Variants in SLC8A1 observed in about 807,000 individuals in gnomAD.
SLC8A1 encodes solute carrier family 8 member A1.
In SLC8A1, 18 loss-of-function variants were observed where a neutral mutation model predicts 68.3. That is an observed-to-expected ratio of 0.26 (90% confidence interval 0.18 to 0.39). The LOEUF (loss-of-function observed/expected upper bound fraction) is 0.39. Among genes scored for constraint, SLC8A1 ranks in the 10% least tolerant of loss-of-function variants. The pLI, the probability that SLC8A1 is intolerant of heterozygous loss-of-function variation, is 1.00. For missense variants in SLC8A1, 985 were observed against 1,156.7 expected (o/e 0.85, Z 2.15); for synonymous variants, 475 against 415.5 (o/e 1.14, Z -1.74).
intron 2 of SLC8A1, among the ~76,000 whole-genome samples, chr2:40,308,798 C>T (rs769486818): frequency 5.3e-5 from 8 of 152,158 alleles, no homozygotes; most frequent in African/African-American, 1.9e-4. Context: ...GAGAACGCTG[C>T]AAAGGGCAAA....
At chr2:40,320,559 A>G (rs1464066175) in intron 2 of SLC8A1, among the ~76,000 whole-genome samples, 3 of 152,340 alleles carry the variant, frequency 2.0e-5, no homozygotes, top group Admixed American at 2.0e-4. Flanking sequence ...CGTTTATTAA[A>G]TAACAAGGAA....
chr2:40,385,418 T>C lies in SLC8A1; in HGVS notation c.1808+43055A>G, dbSNP rs1034460042. ...TCCTACCTTTCTCTTTTAATCTCTC[T>C]CAAATCACCATTTTTCAAAGTATCT... is the stretch of plus-strand genomic sequence containing the variant. On this transcript the variant is annotated intron_variant, in intron 2 of 7. Transcript: ENST00000406785. Among the ~76,000 whole-genome samples the C allele has an allele frequency of 2.7e-5, 4 of 145,966 alleles. No homozygotes were observed. In the South Asian group the frequency reaches 8.5e-4, roughly 31 times the overall value.
chr2:40,419,085 T>C (rs1251918963), intron 2 of SLC8A1, among the ~76,000 whole-genome samples: 1 of 152,212 alleles, frequency 6.6e-6, no homozygotes, highest in Admixed American at 6.5e-5. Flanking sequence ...CTAGTAAAGC[T>C]TGAGGTTTTC....
At chr2:40,118,120 C>G (rs936050258) in intron 7 of SLC8A1, among the ~76,000 whole-genome samples, 1 of 152,328 alleles carries the variant, frequency 6.6e-6, no homozygotes, top group Middle Eastern at 3.4e-3. Context: ...TCACCCCTCT[C>G]ACAAGCATTA....
chr2:40,251,749 C>CCATTTAATAAGTAAATACATG (rs1437366926), intron 2 of SLC8A1: 1 of 152,118 alleles, frequency 6.6e-6, no homozygotes, highest in Non-Finnish European at 1.5e-5. Flanking sequence ...ATGGAGGCCA[C>CCATTTAATAAGTAAATACATG]CATTTAATAA....
At chr2:40,209,411 A>G (rs543384091) in intron 2 of SLC8A1, among the ~76,000 whole-genome samples, 2 of 152,142 alleles carry the variant, frequency 1.3e-5, no homozygotes, top group Admixed American at 1.3e-4. Context: ...TCCTGGAGGA[A>G]AGGTGAGAGT....
At chr2:40,212,505 T>C (rs1178730928) in intron 2 of SLC8A1, among the ~76,000 whole-genome samples, 3 of 152,044 alleles carry the variant, frequency 2.0e-5, no homozygotes. Flanking sequence ...GGATGGTCTG[T>C]ATCTCCTGAC....
At chr2:40,308,991 A>G (rs547063208) in intron 2 of SLC8A1, among the ~76,000 whole-genome samples, 1 of 152,266 alleles carries the variant, frequency 6.6e-6, no homozygotes, top group Admixed American at 6.5e-5. Context: ...TTAACTGGAG[A>G]TGTTGAAATT....
intron 2 of SLC8A1, among the ~76,000 whole-genome samples, chr2:40,282,250 T>A (rs1027658725): frequency 6.6e-6 from 1 of 152,206 alleles, no homozygotes; most frequent in Non-Finnish European, 1.5e-5. Flanking sequence ...AAGACTGGAT[T>A]AGTAATAAGG....
chr2:40,231,681 C>T (rs533563257), intron 2 of SLC8A1, among the ~76,000 whole-genome samples: 5 of 152,240 alleles, frequency 3.3e-5, no homozygotes, highest in African/African-American at 1.2e-4. Context: ...TCTCTCATCT[C>T]TTTCACATAA....
chr2:40,400,968 A>G (rs997201263), intron 2 of SLC8A1, among the ~76,000 whole-genome samples: 6 of 152,204 alleles, frequency 3.9e-5, no homozygotes, highest in African/African-American at 1.4e-4. Context: ...AGGAAGCCAC[A>G]CAGAATTTTG....
At chr2:40,410,923 A>C (rs1691934391) in intron 2 of SLC8A1, among the ~76,000 whole-genome samples, 1 of 152,100 alleles carries the variant, frequency 6.6e-6, no homozygotes, top group Non-Finnish European at 1.5e-5. Context: ...TAATACCAGC[A>C]AATGGGATTC....
chr2:40,326,020 A>G (rs2075786975), intron 2 of SLC8A1, among the ~76,000 whole-genome samples: 1 of 152,034 alleles, frequency 6.6e-6, no homozygotes, highest in Non-Finnish European at 1.5e-5. Context: ...TCAGCAACTC[A>G]CCTGTCCTGA....
intron 6 of SLC8A1, among the ~76,000 whole-genome samples, chr2:40,149,383 G>A (rs887058376): frequency 6.6e-6 from 1 of 152,184 alleles, no homozygotes; most frequent in Non-Finnish European, 1.5e-5. Context: ...AATATAATAT[G>A]TAATAATTTC....
chr2:40,484,575 G>A (rs1226595160), intron 1 of SLC8A1, among the ~76,000 whole-genome samples: 2 of 152,202 alleles, frequency 1.3e-5, no homozygotes, highest in African/African-American at 4.8e-5. Context: ...AACGCGAGGG[G>A]CTTTGAAATT....
chr2:40,389,929 G>GACAC (rs34564306), intron 2 of SLC8A1, among the ~76,000 whole-genome samples: 4 of 149,184 alleles, frequency 2.7e-5, no homozygotes, highest in African/African-American at 4.9e-5. Context: ...CCAATTTATA[G>GACAC]ACACACACAC....
At chr2:40,112,464 C>G (rs1159347779) in exon 8 of SLC8A1, 1 of 152,082 alleles carries the variant, frequency 6.6e-6, no homozygotes, top group Non-Finnish European at 1.5e-5. Context: ...GCAAACAAAC[C>G]AAAAAGCTTT....
chr2:40,139,691 A>G lies in SLC8A1; in HGVS notation c.2162-15T>C. 6.2e-7 allele frequency: 1 copy of G among 1,608,588 alleles called. No individual in the cohort carries two copies. The highest frequency in any genetic ancestry group is 1.7e-4 in the Middle Eastern group (1 of 5,824). ...ATCATCTTCCCCTAGAGAGAATGGA[A>G]GGAAGCACATTTCATCACAACCTGT... On this transcript the variant is annotated splice_polypyrimidine_tract_variant and intron_variant, in intron 6 of 7. Transcript: ENST00000406785.
intron 2 of SLC8A1, among the ~76,000 whole-genome samples, chr2:40,306,159 C>T (rs115908080): frequency 0.012 from 1,764 of 152,198 alleles, 8 homozygotes; most frequent in South Asian, 0.018. Context: ...GCTTGGGGAA[C>T]CCAAATAAGA....
Sources: allele counts gnomAD v4.1 joint callset (sites outside exome capture counted in the v4.1 genomes callset), GRCh38; gene constraint gnomAD v4.1.1; transcripts MANE v1.5; gene names NCBI Gene and HGNC (gene_info 2026-07-23, HGNC 2026-07-21).